The following HSP90AA1 variants were observed in gnomAD, a reference collection of about 807,000 sequenced individuals.
The protein encoded by HSP90AA1 is heat shock protein HSP 90-alpha.
In HSP90AA1, 18 loss-of-function variants were observed where a neutral mutation model predicts 73.3. The ratio of observed to expected loss-of-function variants is 0.25; its 90% confidence interval spans 0.17 to 0.36. HSP90AA1 has a LOEUF of 0.36. HSP90AA1 is among the 10% of genes least tolerant of loss of function. The pLI, the probability that HSP90AA1 is intolerant of heterozygous loss-of-function variation, is 1.00. For synonymous variants in HSP90AA1, 477 were observed against 296.9 expected, an observed-to-expected ratio of 1.61 and a Z score of -6.24; for missense variants, 704 against 874.2, an observed-to-expected ratio of 0.81 and a Z score of 2.45.
At chr14:102,082,972 T>A in intron 9 of HSP90AA1, 62 bp downstream of exon 9, 8 of 1,518,530 alleles carry the variant, frequency 5.3e-6, no homozygotes, top group Non-Finnish European at 7.3e-6. Flanking sequence ...ATGGGCTATG[T>A]ATGACTAAGC....
intron 4 of HSP90AA1, 59 bp downstream of exon 4, chr14:102,085,239 T>G: frequency 1.3e-6 from 2 of 1,556,228 alleles, no homozygotes; most frequent in Non-Finnish European, 1.8e-6. Flanking sequence ...AAGGATGTAG[T>G]ACAGTCACCC....
upstream of HSP90AA1, among the ~76,000 whole-genome samples, chr14:102,090,690 A>G (rs2049345646): frequency 6.6e-6 from 1 of 152,156 alleles, no homozygotes; most frequent in Non-Finnish European, 1.5e-5. Context: ...TGACCTTGTG[A>G]TCCGCCCGCC....
At chr14:102,086,656 C>T (rs1242572053) in intron 1 of HSP90AA1, among the ~76,000 whole-genome samples, 1 of 151,118 alleles carries the variant, frequency 6.6e-6, no homozygotes. Context: ...GCGCGGGCTG[C>T]GGCTCCGCCA....
At chr14:102,132,244 G>A (rs1436057981) in intron 1 of HSP90AA1, among the ~76,000 whole-genome samples, 1 of 152,214 alleles carries the variant, frequency 6.6e-6, no homozygotes, top group African/African-American at 2.4e-5. Context: ...GCACATGCCT[G>A]TAGTCCCAGC....
intron 1 of HSP90AA1, among the ~76,000 whole-genome samples, chr14:102,113,570 G>A (rs894984957): frequency 4.6e-5 from 7 of 151,206 alleles, no homozygotes; most frequent in Non-Finnish European, 1.0e-4. Flanking sequence ...ATTTTTAGTG[G>A]AGACGGGATT....
At chr14:102,085,169 A>T (rs1157507378) in intron 4 of HSP90AA1, 129 bp downstream of exon 4, 1 of 1,427,316 alleles carries the variant, frequency 7.0e-7, no homozygotes, top group African/African-American at 1.4e-5. Context: ...ACTTTTACAG[A>T]GTTAGGTAGT....
chr14:102,132,499 C>A (rs2049920433), intron 1 of HSP90AA1, among the ~76,000 whole-genome samples: 1 of 151,640 alleles, frequency 6.6e-6, no homozygotes, highest in Admixed American at 6.6e-5. Context: ...ATGAGCCGGG[C>A]CTGTACCACT....
At chr14:102,107,176 T>C (rs945160257) in intron 1 of HSP90AA1, among the ~76,000 whole-genome samples, 2 of 152,072 alleles carry the variant, frequency 1.3e-5, no homozygotes, top group Admixed American at 6.5e-5. Flanking sequence ...CCTGAGCCCT[T>C]TAAGGAGGCG....
chr14:102,084,385 C>T lies in HSP90AA1; in HGVS notation c.1147+14G>A, dbSNP rs747472459. Reference sequence around the variant, plus strand: ...TAATCAGTGACAGTGATTATTTTTCCTATCTATACTTACTCAGATATTCAG... The same window carrying T: ...TAATCAGTGACAGTGATTATTTTTCTTATCTATACTTACTCAGATATTCAG... On this transcript the variant is annotated intron_variant, in intron 6 of 10. Transcript: ENST00000216281. 10 of 1,608,702 alleles carry T rather than the reference C, an allele frequency of 6.2e-6. No individual in the cohort carries two copies. The Admixed American group carries it at 1.2e-4, about 19-fold the overall frequency.
chr14:102,119,207 G>A (rs1414691282), intron 1 of HSP90AA1, among the ~76,000 whole-genome samples: 1 of 151,982 alleles, frequency 6.6e-6, no homozygotes, highest in African/African-American at 2.4e-5. Context: ...ATATTGCCTA[G>A]TATCCAAACT....
intron 1 of HSP90AA1, among the ~76,000 whole-genome samples, chr14:102,133,485 CTTT>C (rs34704566): frequency 7.4e-6 from 1 of 134,302 alleles, no homozygotes. Flanking sequence ...TAAACTAGTT[CTTT>C]TTTTTTTTTT....
chr14:102,086,350 T>C lies in HSP90AA1; in HGVS notation c.29A>G (p.Gln10Arg), dbSNP rs1473027875. MPEETQTQD[Q>R]PMEEEEVETF... The stretch of plus-strand genomic sequence containing the variant: ...CTCAACCTCCTCCTCCTCCATCGGT[T>C]GGTCTTGGGTCTGGGTTTCCTCAGG... The change falls in exon 2 of 11, where the codon CAA becomes CGA. Residue 10 changes from glutamine (Q) to arginine (R), a missense_variant. Transcript: ENST00000216281. 3.7e-6 allele frequency: 6 copies of C among 1,614,190 alleles called. No homozygotes were observed. The highest frequency in any genetic ancestry group is 5.1e-6 in the Non-Finnish European group (6 of 1,180,040).
rs756969009 is a variant in HSP90AA1 at position 102,082,134 on chromosome 14, T to A, written c.2066A>T (p.Tyr689Phe). The A allele has an allele frequency of 6.2e-7, 1 of 1,612,840 alleles. No homozygotes were observed. The change falls in exon 10 of 11, where the codon TAC becomes TTC. Residue 689 changes from tyrosine to phenylalanine, a missense_variant. Physicochemically the swap from Tyr to Phe is conservative, Grantham distance 22 (BLOSUM62 3). Transcript: ENST00000216281. ...ACCCAGACCAAGTTTGATCATCCTG[T>A]AGATCCTGTTAGCATGTGTCTGGGG... ...EDPQTHANRI[Y>F]RMIKLGLGID... is the part of the protein sequence containing the mutation.
chr14:102,125,296 A>G (rs1327358084), intron 1 of HSP90AA1, among the ~76,000 whole-genome samples: 4 of 152,200 alleles, frequency 2.6e-5, no homozygotes, highest in Non-Finnish European at 5.9e-5. Flanking sequence ...GCCCAACCTC[A>G]TAATCTTTTC....
intron 1 of HSP90AA1, among the ~76,000 whole-genome samples, chr14:102,135,066 G>A (rs2049967310): frequency 6.6e-6 from 1 of 152,324 alleles, no homozygotes; most frequent in East Asian, 1.9e-4. Flanking sequence ...AGTGTCGACT[G>A]GTGCATTCAC....
chr14:102,139,707 C>G, upstream of HSP90AA1: 1 of 724,192 alleles, frequency 1.4e-6, no homozygotes, highest in South Asian at 1.9e-5. Context: ...CCTGCGGACG[C>G]CCAGTCGGGT....
intron 1 of HSP90AA1, among the ~76,000 whole-genome samples, chr14:102,104,583 C>T (rs191876367): frequency 6.6e-6 from 1 of 152,214 alleles, no homozygotes; most frequent in East Asian, 1.9e-4. Flanking sequence ...TATCCATCTC[C>T]TTATTTTTCT....
rs995489817 is a variant in HSP90AA1, at chr14:102,081,234, A to G, written c.*478T>C. ...ACAAGCCCTGTGGAGAGATCCTTCC[A>G]TCAAGTTGCTTCAGTTTAACCTATT... On this transcript the variant is annotated 3_prime_UTR_variant, in exon 11 of 11. Transcript: ENST00000216281. The G allele has an allele frequency of 2.8e-5, 7 of 245,622 alleles. No homozygotes were observed. The highest frequency in any genetic ancestry group is 1.6e-4 in the African/African-American group (7 of 45,130). 15.2% of individuals were successfully genotyped at this position (245,622 alleles called of 1,614,324 possible). A position where few individuals can be genotyped will look rare whatever the true frequency, so the allele number is the denominator to read the frequency against.
In HSP90AA1 at chr14:102,084,489, C is replaced by CA. The variant is rs2049175210; in HGVS notation, c.1056dup (p.Glu353Ter). The stretch of plus-strand genomic sequence containing the variant: ...ATGTTGTTCTTTTTCTTTCTGTTTT[C>CA]AAACAGATCAAAAGGAGCACGTCGT... On this transcript the variant is annotated frameshift_variant, in exon 6 of 11. Transcript: ENST00000216281. LOFTEE classifies it high-confidence loss of function. 6.2e-7 allele frequency: 1 copy of CA among 1,613,602 alleles called. No homozygotes were observed.
Sources: gnomAD v4.1 joint callset for allele counts (sites outside exome capture counted in the v4.1 genomes callset) on GRCh38, gnomAD v4.1.1 for gene constraint, MANE v1.5 for transcripts, NCBI Gene and HGNC (gene_info 2026-07-23, HGNC 2026-07-21) for gene names.